The following EGFL6 variants were observed in gnomAD, a reference collection of about 807,000 sequenced individuals.
EGFL6 encodes EGF like domain multiple 6.
Under a neutral mutation model 43.1 loss-of-function variants are expected in EGFL6, and 42 were observed. The observed-to-expected ratio is 0.98, with a 90% CI of 0.76 to 1.26. EGFL6 has a LOEUF of 1.26. EGFL6 is among the 50% of genes most tolerant of loss of function. EGFL6 has a pLI of 0.00. For missense variants in EGFL6, 429 were observed against 427.8 expected (o/e 1.00, Z -0.02); for synonymous variants, 164 against 163.2 (o/e 1.01, Z -0.04).
chrX:13,593,726 G>C (rs2045579878), intron 2 of EGFL6, among the ~76,000 whole-genome samples: 1 of 111,991 alleles, frequency 8.9e-6, no homozygotes, highest in African/African-American at 3.2e-5. Flanking sequence ...GGTAGAAACA[G>C]GGATAGGATG....
chrX:13,597,558 T>C lies in EGFL6; in HGVS notation c.281-2417T>C, dbSNP rs190127408. Among the ~76,000 whole-genome samples the C allele has an allele frequency of 6.0e-3, 673 of 111,350 alleles. 4 individuals carry two copies. The highest frequency in any genetic ancestry group is 0.02 in the African/African-American group (612 of 30,576). On this transcript the variant is annotated intron_variant, in intron 3 of 11. Transcript: ENST00000361306. ...CGGCACTTAGGGAGGTCGAGGTGGGTGGATCACTTGAGGTCAAGAGTTTGA... is the reference window on the plus strand; with the variant it reads ...CGGCACTTAGGGAGGTCGAGGTGGGCGGATCACTTGAGGTCAAGAGTTTGA...
At chrX:13,627,517 C>T (rs999026782) in intron 11 of EGFL6, among the ~76,000 whole-genome samples, 4 of 112,217 alleles carry the variant, frequency 3.6e-5, no homozygotes, top group African/African-American at 1.3e-4. Flanking sequence ...TGTCAGGCTC[C>T]TCTCACCAGC....
rs191461459 is a variant in EGFL6, at chrX:13,605,982, C to T, written c.521-397C>T. 6.3e-5 allele frequency among the ~76,000 whole-genome samples: 7 copies of T among 111,924 alleles called. No individual in the cohort carries two copies. The East Asian group carries it at 1.9e-3, about 31-fold the overall frequency. On this transcript the variant is annotated intron_variant, in intron 5 of 11. Transcript: ENST00000361306. ...GTTTACTTAAAGTATAGCTATCTGA[C>T]TCTAGTTTCAAAAATTGTATATGTT...
chrX:13,590,287 T>C (rs772410435), intron 2 of EGFL6: 2 of 112,642 alleles, frequency 1.8e-5, no homozygotes, highest in African/African-American at 6.4e-5. Flanking sequence ...CCTCTGATCA[T>C]TTCAAGGAGG....
intron 1 of EGFL6, among the ~76,000 whole-genome samples, chrX:13,580,236 T>C (rs2045498074): frequency 9.0e-6 from 1 of 111,494 alleles, no homozygotes; most frequent in Non-Finnish European, 1.9e-5. Flanking sequence ...TCTGACCCTA[T>C]TTTCTTTCTT....
chrX:13,606,250 T>C (rs187052725), intron 5 of EGFL6, 129 bp from the exon 6 acceptor site: 1 of 645,997 alleles, frequency 1.5e-6, no homozygotes, highest in East Asian at 3.4e-5. Context: ...TGCCAGAGGA[T>C]ATGATGTTGG....
rs753413892 is a variant in EGFL6 at position 13,631,195 on chromosome X, A to G, written c.1552-1790A>G. Among the ~76,000 whole-genome samples the G allele has an allele frequency of 4.5e-5, 5 of 111,732 alleles. No individual in the cohort carries two copies. The East Asian group carries it at 1.4e-3, about 31-fold the overall frequency. ...CCAAATGAAATATTCTTTTCCCTCT[A>G]TGTTTGTTCCAGGGTAACTTTTGTC... On this transcript the variant is annotated intron_variant, in intron 11 of 11. Transcript: ENST00000361306.
At position 13,633,144 on chromosome X, in the gene EGFL6, T is replaced by C. The variant is rs368011205; in HGVS notation, c.*49T>C. 32 of 1,044,348 alleles carry C rather than the reference T, an allele frequency of 3.1e-5. 1 individual carries two copies. The African/African-American group carries it at 5.0e-4, about 16-fold the overall frequency. The allele number at this position is 1,044,348 out of a possible 1,213,427, so 86.1% of individuals were successfully genotyped here. A position where few individuals can be genotyped will look rare whatever the true frequency, so the allele number is the denominator to read the frequency against. The stretch of plus-strand genomic sequence containing the variant: ...TTTGTATGTCAGTTCCCTGGTTTTT[T>C]TGATATTGCATCATAGGACCTCTGG... On this transcript the variant is annotated 3_prime_UTR_variant, in exon 12 of 12. Coordinates refer to ENST00000361306, the MANE Select transcript of EGFL6 (RefSeq NM_015507.4).
intron 1 of EGFL6, among the ~76,000 whole-genome samples, chrX:13,579,809 T>G (rs1271702634): frequency 9.0e-6 from 1 of 110,878 alleles, no homozygotes; most frequent in African/African-American, 3.3e-5. Flanking sequence ...CTGGAGGATC[T>G]GCTTCCAAGA....
At chrX:13,597,594 G>T (rs1388495945) in intron 3 of EGFL6, among the ~76,000 whole-genome samples, 3 of 111,549 alleles carry the variant, frequency 2.7e-5, no homozygotes, top group African/African-American at 9.8e-5. Flanking sequence ...GACCAGCCTG[G>T]CCAACATGGC....
chrX:13,581,720 A>C (rs1316440260), intron 1 of EGFL6, among the ~76,000 whole-genome samples: 2 of 112,125 alleles, frequency 1.8e-5, no homozygotes, highest in Non-Finnish European at 3.8e-5. Flanking sequence ...CAATCCCTGG[A>C]ATGTTTTTAA....
At chrX:13,605,578 C>CAAAA (rs61513005) in intron 5 of EGFL6, among the ~76,000 whole-genome samples, 1 of 60,369 alleles carries the variant, frequency 1.7e-5, no homozygotes, top group Non-Finnish European at 3.2e-5. Flanking sequence ...GGCCTTGTCT[C>CAAAA]AAAAAAAAAA....
intron 1 of EGFL6, among the ~76,000 whole-genome samples, chrX:13,579,607 A>G (rs779574239): frequency 8.9e-6 from 1 of 111,760 alleles, no homozygotes; most frequent in Non-Finnish European, 1.9e-5. Flanking sequence ...TTGGATATAT[A>G]CCCAGAAATG....
At chrX:13,620,935 C>A (rs964088627) in intron 9 of EGFL6, among the ~76,000 whole-genome samples, 1 of 111,979 alleles carries the variant, frequency 8.9e-6, no homozygotes, top group South Asian at 3.7e-4. Context: ...TTTCAACAGT[C>A]CTTGAGTAAG....
At chrX:13,592,148 C>G (rs1355732295) in intron 2 of EGFL6, among the ~76,000 whole-genome samples, 1 of 109,745 alleles carries the variant, frequency 9.1e-6, no homozygotes, top group African/African-American at 3.3e-5. Flanking sequence ...GGCATTTATG[C>G]TGGGCTTTCC....
At chrX:13,574,845 G>T in intron 1 of EGFL6, 1 of 123,148 alleles carries the variant, frequency 8.1e-6, no homozygotes, top group Non-Finnish European at 1.7e-5. Flanking sequence ...ACAAGGCAAA[G>T]TGAAACTGTC....
chrX:13,616,375 C>T (rs2045717382), intron 7 of EGFL6, among the ~76,000 whole-genome samples: 2 of 111,588 alleles, frequency 1.8e-5, no homozygotes, highest in South Asian at 3.7e-4. Flanking sequence ...TTTGGGAGGC[C>T]GAGGTGGGTG....
intron 11 of EGFL6, among the ~76,000 whole-genome samples, chrX:13,631,021 T>C (rs2045807888): frequency 9.1e-6 from 1 of 110,190 alleles, no homozygotes; most frequent in Admixed American, 9.6e-5. Flanking sequence ...ATAATCATAC[T>C]ACAGTAACAT....
chrX:13,573,211 C>T (rs931905929), intron 1 of EGFL6, among the ~76,000 whole-genome samples: 1 of 111,593 alleles, frequency 9.0e-6, no homozygotes, highest in Non-Finnish European at 1.9e-5. Flanking sequence ...GGATGTATAC[C>T]TCTGCGGGGT....
Sources: gnomAD v4.1 joint callset for allele counts (sites outside exome capture counted in the v4.1 genomes callset) on GRCh38, gnomAD v4.1.1 for gene constraint, MANE v1.5 for transcripts, NCBI Gene and HGNC (gene_info 2026-07-23, HGNC 2026-07-21) for gene names.